The following FSTL4 variants were observed in gnomAD, a reference collection of about 807,000 sequenced individuals.
FSTL4 encodes follistatin like 4.
A neutral mutation model predicts 78.2 loss-of-function variants in FSTL4; 28 were observed. That is an observed-to-expected ratio of 0.36 (90% confidence interval 0.27 to 0.49). The LOEUF (loss-of-function observed/expected upper bound fraction) is 0.49, where lower values mean the gene tolerates loss of function less well. FSTL4 is among the 20% of genes least tolerant of loss of function. The pLI, the probability that FSTL4 is intolerant of heterozygous loss-of-function variation, is 0.98. For missense variants in FSTL4, 922 were observed against 1,084.9 expected, an observed-to-expected ratio of 0.85 and a Z score of 2.11; for synonymous variants, 422 against 440.5, an observed-to-expected ratio of 0.96 and a Z score of 0.53.
the FSTL4 span, among the ~76,000 whole-genome samples, chr5:133,708,907 A>G: frequency 6.6e-6 from 1 of 152,140 alleles, no homozygotes; most frequent in East Asian, 1.9e-4. Context: ...CAGAAAACCA[A>G]TTCCATGAGA....
chr5:133,625,327 A>G, the FSTL4 span, among the ~76,000 whole-genome samples: 2 of 151,760 alleles, frequency 1.3e-5, no homozygotes, highest in African/African-American at 4.8e-5. Flanking sequence ...TTACTTTAAT[A>G]TTGGAGGAGT....
intron 3 of FSTL4, 101 bp downstream of exon 3, chr5:133,567,085 A>C: frequency 1.1e-6 from 1 of 871,564 alleles, no homozygotes; most frequent in Non-Finnish European, 2.0e-6. Flanking sequence ...GAAATTTCAA[A>C]GAATGAGCTG....
chr5:133,449,191 G>T (rs549254039), intron 3 of FSTL4, among the ~76,000 whole-genome samples: 112 of 152,310 alleles, frequency 7.4e-4, no homozygotes, highest in Middle Eastern at 3.4e-3. Flanking sequence ...TAGGCCTGGG[G>T]GGTAGGGTGG....
chr5:133,416,409 G>A (rs369825382), intron 3 of FSTL4, among the ~76,000 whole-genome samples: 2 of 152,240 alleles, frequency 1.3e-5, no homozygotes, highest in East Asian at 3.9e-4. Flanking sequence ...TTTTCATTTG[G>A]CAATCACAGT....
chr5:133,502,233 A>G (rs1758513439), intron 3 of FSTL4, among the ~76,000 whole-genome samples: 1 of 152,224 alleles, frequency 6.6e-6, no homozygotes, highest in Admixed American at 6.5e-5. Context: ...CAGAAAGGTT[A>G]TCCAGGTAGG....
the FSTL4 span, among the ~76,000 whole-genome samples, chr5:133,765,120 T>C: frequency 3.3e-5 from 5 of 152,230 alleles, no homozygotes; most frequent in Admixed American, 6.5e-5. Context: ...CAATGAATTC[T>C]TCTGCGAAGC....
At chr5:133,646,760 G>C in the FSTL4 span, among the ~76,000 whole-genome samples, 30 of 152,126 alleles carry the variant, frequency 2.0e-4, no homozygotes, top group African/African-American at 7.2e-4. Flanking sequence ...GTAACTGGGT[G>C]TATGTGGTGC....
chr5:133,528,205 G>A (rs77684164), intron 3 of FSTL4, among the ~76,000 whole-genome samples: 2 of 152,176 alleles, frequency 1.3e-5, no homozygotes. Flanking sequence ...ACAAAGGGGG[G>A]ATTTCCCACA....
At chr5:133,240,886 C>CAT (rs1438655562) in intron 7 of FSTL4, among the ~76,000 whole-genome samples, 1 of 152,164 alleles carries the variant, frequency 6.6e-6, no homozygotes, top group Non-Finnish European at 1.5e-5. Context: ...TCTTTGGCTA[C>CAT]AGGGAGGCAA....
intron 3 of FSTL4, among the ~76,000 whole-genome samples, chr5:133,560,778 A>C (rs1377836798): frequency 6.6e-6 from 1 of 151,784 alleles, no homozygotes; most frequent in Non-Finnish European, 1.5e-5. Flanking sequence ...AAGGGACCAG[A>C]ATAGGCTAAG....
chr5:133,227,408 C>T (rs552750988), intron 8 of FSTL4, among the ~76,000 whole-genome samples: 2 of 152,240 alleles, frequency 1.3e-5, no homozygotes, highest in Admixed American at 1.3e-4. Context: ...AGGAAACTTC[C>T]CTGCTTGATT....
intron 2 of FSTL4, among the ~76,000 whole-genome samples, chr5:133,580,202 T>C (rs1001590590): frequency 2.0e-5 from 3 of 152,092 alleles, no homozygotes; most frequent in African/African-American, 7.2e-5. Flanking sequence ...CCTCTTCACT[T>C]CCACTCCCAT....
the FSTL4 span, among the ~76,000 whole-genome samples, chr5:133,807,415 TG>T: frequency 1.3e-5 from 2 of 152,214 alleles, no homozygotes; most frequent in Non-Finnish European, 2.9e-5. Context: ...CCAGCTTATA[TG>T]GGGTCAAGGG....
At chr5:133,834,544 A>G in the FSTL4 span, among the ~76,000 whole-genome samples, 2 of 152,154 alleles carry the variant, frequency 1.3e-5, no homozygotes, top group East Asian at 1.9e-4. Context: ...ATAGACATAC[A>G]TAGAAAAAGG....
At chr5:133,334,250 G>T (rs1754414991) in intron 4 of FSTL4, among the ~76,000 whole-genome samples, 1 of 152,188 alleles carries the variant, frequency 6.6e-6, no homozygotes, top group South Asian at 2.1e-4. Context: ...AGTCACAGTT[G>T]GCGAGGGTCC....
chr5:133,221,425 C>T (rs1380052450), intron 11 of FSTL4, among the ~76,000 whole-genome samples: 1 of 151,000 alleles, frequency 6.6e-6, no homozygotes, highest in Admixed American at 6.6e-5. Context: ...CGCCCCCCAC[C>T]GTTTCTCTGG....
At chr5:133,565,525 T>C (rs981387305) in intron 3 of FSTL4, among the ~76,000 whole-genome samples, 1 of 152,236 alleles carries the variant, frequency 6.6e-6, no homozygotes, top group African/African-American at 2.4e-5. Flanking sequence ...GTTTCTGTGA[T>C]GTTAGAACAA....
At chr5:133,310,697 C>G (rs1422012091) in intron 6 of FSTL4, among the ~76,000 whole-genome samples, 1 of 152,226 alleles carries the variant, frequency 6.6e-6, no homozygotes, top group Non-Finnish European at 1.5e-5. Flanking sequence ...GAAGTCCAGT[C>G]TTGGCCTCTG....
Position 133,312,708 on chromosome 5 carries a change from C to T in FSTL4, c.673G>A (p.Asp225Asn). The T allele has an allele frequency of 6.2e-7, 1 of 1,614,006 alleles. No homozygotes were observed. Among genetic ancestry groups the T allele is most frequent in the Non-Finnish European group, 8.5e-7 (1 of 1,179,864 alleles). ...AGGGAGCTGTCACTGTTGTAATCGT[C>T]AAATCGGAGGAGGTCACCTGGTGAG... ...GCSPGDLLRF[D>N]DYNSDSSLTL... Residue 225 changes from aspartate to asparagine, a missense_variant, in exon 6 of 16, where the codon GAC becomes AAC. Transcript: ENST00000265342.
Sources: gnomAD v4.1 joint callset for allele counts (sites outside exome capture counted in the v4.1 genomes callset) on GRCh38, gnomAD v4.1.1 for gene constraint, MANE v1.5 for transcripts, NCBI Gene and HGNC (gene_info 2026-07-23, HGNC 2026-07-21) for gene names.